The following POLN variants were observed in gnomAD, a reference collection of about 807,000 sequenced individuals.
The protein encoded by POLN is DNA polymerase N.
Under a neutral mutation model 113.5 loss-of-function variants are expected in POLN, and 108 were observed. That is an observed-to-expected ratio of 0.95 (90% CI 0.81 to 1.12). The LOEUF (loss-of-function observed/expected upper bound fraction) is 1.12, where lower values mean the gene tolerates loss of function less well. Among genes scored for constraint, POLN ranks in the 50% most tolerant of loss-of-function variants. POLN has a pLI of 0.00. For synonymous variants in POLN, 386 were observed against 391.5 expected (o/e 0.99, Z 0.17); for missense variants, 1,097 against 1,077.1 (o/e 1.02, Z -0.26).
chr4:2,168,922 C>T (rs1223530234), intron 13 of POLN, among the ~76,000 whole-genome samples: 1 of 152,220 alleles, frequency 6.6e-6, no homozygotes, highest in Non-Finnish European at 1.5e-5. Flanking sequence ...AGCAAACACA[C>T]ACCTAAGATA....
At chr4:2,173,829 G>T in intron 11 of POLN, 126 bp downstream of exon 11, 1 of 932,576 alleles carries the variant, frequency 1.1e-6, no homozygotes, top group South Asian at 1.5e-5. Flanking sequence ...GAAAGAGGGA[G>T]AAACACTGTC....
chr4:2,126,544 TCGGAC>T lies in POLN; in HGVS notation c.1982+1564_1982+1568del, dbSNP rs1731583707. 6.6e-6 allele frequency among the ~76,000 whole-genome samples: 1 copy of T among 151,980 alleles called. No individual in the cohort carries two copies. Among genetic ancestry groups the T allele is most frequent in the Non-Finnish European group, 1.5e-5 (1 of 68,004 alleles). ...GTAGAGCAATACATGGGAATGTGCA[TCGGAC>T]CAGAGAGGAGCAGAGACCAGAGAGG... On this transcript the variant is annotated intron_variant, in intron 19 of 25. Coordinates refer to ENST00000511885, the MANE Select transcript of POLN (RefSeq NM_181808.4). This position sits in a 1 kb window ranked among gnomAD's most constrained non-coding sequence, Gnocchi z 4.6.
At chr4:2,239,063 T>G in intron 2 of POLN, 1 of 1,359,070 alleles carries the variant, frequency 7.4e-7, no homozygotes, top group South Asian at 1.7e-5. Context: ...GAAAAGCAAT[T>G]ACATTTCAAA....
chr4:2,152,210 G>A (rs1277595338), intron 16 of POLN, among the ~76,000 whole-genome samples: 1 of 151,330 alleles, frequency 6.6e-6, no homozygotes, highest in Admixed American at 6.6e-5. Flanking sequence ...CTAATTTTCT[G>A]TATTTTGGGT....
rs1046977131 is a variant in POLN, at chr4:2,096,072, G to A, written c.1983-139C>T. On this transcript the variant is annotated intron_variant, in intron 19 of 25. Coordinates refer to ENST00000511885, the MANE Select transcript of POLN (RefSeq NM_181808.4). ...TCATGGTGGCCGGCACACTGGCAGG[G>A]GAGACATTCCATACCTGTGGTGTCA... 9 of 750,822 alleles carry A rather than the reference G, an allele frequency of 1.2e-5. No individual in the cohort carries two copies. In the African/African-American group the frequency reaches 1.5e-4, roughly 13 times the overall value. 46.5% of individuals were successfully genotyped at this position (750,822 alleles called of 1,614,324 possible).
At chr4:2,106,528 T>C (rs966602410) in intron 19 of POLN, among the ~76,000 whole-genome samples, 2 of 152,214 alleles carry the variant, frequency 1.3e-5, no homozygotes, top group Non-Finnish European at 2.9e-5. Context: ...TATAAATACT[T>C]ATAAAACTTA....
In POLN at chr4:2,241,597, G is replaced by T; in HGVS notation, c.-90C>A. ...GGAGAACAGCAGGAGCAGCAGGGAA[G>T]CGCGCGGCCACAATTAAGGGTGCTT... On this transcript the variant is annotated 5_prime_UTR_variant, in exon 2 of 26. Transcript: ENST00000511885. 7 of 985,684 alleles carry T rather than the reference G, an allele frequency of 7.1e-6. No homozygotes were observed. The highest frequency in any genetic ancestry group is 7.2e-6 in the Non-Finnish European group (6 of 830,120). The allele number at this position is 985,684 out of a possible 1,614,324, so 61.1% of individuals were successfully genotyped here.
chr4:2,079,333 G>A, intron 23 of POLN: 1 of 781,674 alleles, frequency 1.3e-6, no homozygotes, highest in Non-Finnish European at 1.6e-6. Context: ...TCATATCCTG[G>A]GAGAAGCTAT....
chr4:2,218,024 G>A (rs746423864), intron 3 of POLN, among the ~76,000 whole-genome samples: 3 of 152,180 alleles, frequency 2.0e-5, no homozygotes, highest in Admixed American at 6.5e-5. Context: ...TTAGCCAGGT[G>A]TGCACTTGTA....
chr4:2,176,080 G>C (rs929954466), intron 9 of POLN, among the ~76,000 whole-genome samples, 186 bp downstream of exon 9: 1 of 152,164 alleles, frequency 6.6e-6, no homozygotes, highest in Non-Finnish European at 1.5e-5. Context: ...CCTACAGAAA[G>C]CATTTTTAAA....
At chr4:2,232,100 T>G (rs1425063013) in intron 2 of POLN, 1 of 1,602,740 alleles carries the variant, frequency 6.2e-7, no homozygotes, top group African/African-American at 1.3e-5. Context: ...AGAATATCAG[T>G]GAGGAGATGA....
intron 7 of POLN, among the ~76,000 whole-genome samples, chr4:2,190,476 A>ATTTT (rs57891968): frequency 6.8e-6 from 1 of 147,658 alleles, no homozygotes; most frequent in African/African-American, 2.5e-5. Context: ...CTGGGCAATG[A>ATTTT]TTTTTTTTTT....
At chr4:2,138,467 G>A (rs1479956688) in intron 16 of POLN, among the ~76,000 whole-genome samples, 3 of 152,180 alleles carry the variant, frequency 2.0e-5, no homozygotes, top group Admixed American at 1.3e-4. Context: ...GGCAACAAGG[G>A]TGGGGACAGC....
At chr4:2,196,967 G>A (rs1278159906) in intron 6 of POLN, among the ~76,000 whole-genome samples, 2 of 152,228 alleles carry the variant, frequency 1.3e-5, no homozygotes, top group Admixed American at 6.5e-5. Context: ...CGGCAAGGAG[G>A]TGGGAATGCA....
At chr4:2,215,012 C>T (rs145479411) in intron 3 of POLN, among the ~76,000 whole-genome samples, 4 of 151,860 alleles carry the variant, frequency 2.6e-5, no homozygotes, top group Non-Finnish European at 5.9e-5. Context: ...ATCATCTAAC[C>T]AAATAATCTC....
chr4:2,214,503 C>T (rs1318941761), intron 3 of POLN, among the ~76,000 whole-genome samples: 3 of 152,054 alleles, frequency 2.0e-5, no homozygotes, highest in East Asian at 3.8e-4. Flanking sequence ...CAAGATAAGA[C>T]AAACAATTCA....
At chr4:2,194,496 G>A (rs147780045) in intron 6 of POLN, among the ~76,000 whole-genome samples, 47 of 152,256 alleles carry the variant, frequency 3.1e-4, no homozygotes, top group African/African-American at 1.0e-3. Context: ...CAATAACACA[G>A]CTTCAGATCT....
At position 2,133,542 on chromosome 4, in the gene POLN, T is replaced by C. The variant is rs150756265; in HGVS notation, c.1732-2252A>G. Among the ~76,000 whole-genome samples the C allele has an allele frequency of 2.4e-3, 371 of 152,346 alleles. 1 individual carries two copies. The highest frequency in any genetic ancestry group is 8.7e-3 in the African/African-American group (362 of 41,582). ...ACATGGATAAGCCTGGAGGCCATTA[T>C]GCTAAGTGAAGTAAACCAGGTATAG... On this transcript the variant is annotated intron_variant, in intron 16 of 25. Coordinates refer to ENST00000511885, the MANE Select transcript of POLN (RefSeq NM_181808.4).
At chr4:2,164,802 CAAAAAAAAAAAAAAAAAAAAAAAA>C (rs33935159) in intron 13 of POLN, among the ~76,000 whole-genome samples, 17 of 28,694 alleles carry the variant, frequency 5.9e-4, no homozygotes, top group East Asian at 2.4e-3. Context: ...GACTCTGTCT[CAAAAAAAAAAAAAAAAAAAAAAAA>C]AAAAAAAAAA....
Sources: gnomAD v4.1 joint callset for allele counts (sites outside exome capture counted in the v4.1 genomes callset) on GRCh38, gnomAD v4.1.1 for gene constraint, Gnocchi (gnomAD v3.1) non-coding constraint, MANE v1.5 for transcripts, NCBI Gene and HGNC (gene_info 2026-07-23, HGNC 2026-07-21) for gene names.